RBM22: variants seen among roughly 807,000 people sequenced by gnomAD.
The protein encoded by RBM22 is pre-mRNA-splicing factor RBM22.
A neutral mutation model predicts 50.1 loss-of-function variants in RBM22; 1 was observed. The observed-to-expected ratio is 0.02, with a 90% CI of 0.01 to 0.09. The LOEUF is 0.09. Among genes scored for constraint, RBM22 ranks in the 10% least tolerant of loss-of-function variants. RBM22 has a pLI of 1.00. For synonymous variants in RBM22, 152 were observed against 179.0 expected (o/e 0.85, Z 1.20); for missense variants, 264 against 529.3 (o/e 0.50, Z 4.92).
chr5:150,697,838 G>A, intron 4 of RBM22: 1 of 239,470 alleles, frequency 4.2e-6, no homozygotes, highest in Non-Finnish European at 8.3e-6. Flanking sequence ...CTCTGAAACA[G>A]TAGCAATATA....
chr5:150,693,001 T>C lies in RBM22; in HGVS notation c.1026A>G (p.Glu342=). ...PGALPPPPAA[E]EEASANYFNL... ...TGAAGTAGTTGGCAGAGGCTTCTTC[T>C]TCTGCTGCAGGAGGAGGAGGAAGAG... The change falls in exon 10 of 11, where the codon GAA becomes GAG. Residue 342 remains glutamate, a synonymous_variant. Transcript: ENST00000199814. 6.2e-7 allele frequency: 1 copy of C among 1,612,172 alleles called. No individual in the cohort carries two copies. The highest frequency in any genetic ancestry group is 8.5e-7 in the Non-Finnish European group (1 of 1,179,230).
rs753789695 is a variant in RBM22, at chr5:150,700,669, G to A, written c.55-172C>T. 3.9e-6 allele frequency: 6 copies of A among 1,526,590 alleles called. No individual in the cohort carries two copies. The African/African-American group carries it at 5.5e-5, about 14-fold the overall frequency. 94.6% of individuals were successfully genotyped at this position (1,526,590 alleles called of 1,614,324 possible). A position where few individuals can be genotyped will look rare whatever the true frequency, so the allele number is the denominator to read the frequency against. ...GGGGGCGCTGTCTGCACTTCCGGCA[G>A]GCGGCGGGAGAAAAGAAAACCAGCT... On this transcript the variant is annotated intron_variant, in intron 1 of 10. Coordinates refer to ENST00000199814, the MANE Select transcript of RBM22 (RefSeq NM_018047.3).
At chr5:150,693,944 G>A in intron 8 of RBM22, 132 bp downstream of exon 8, 4 of 1,191,408 alleles carry the variant, frequency 3.4e-6, no homozygotes, top group Non-Finnish European at 4.7e-6. Flanking sequence ...CATAGAGAGT[G>A]ATCTTTGAAA....
At position 150,691,549 on chromosome 5, in the gene RBM22, G is replaced by T; in HGVS notation, c.*202C>A. Reference sequence around the variant, plus strand: ...AGTCATGTTACAGCAGTAACCAGATGTGTTAATGGCAGCTTATTTACGGTC... The same window carrying T: ...AGTCATGTTACAGCAGTAACCAGATTTGTTAATGGCAGCTTATTTACGGTC... On this transcript the variant is annotated 3_prime_UTR_variant, in exon 11 of 11. Transcript: ENST00000199814. 1.9e-6 allele frequency: 1 copy of T among 524,164 alleles called. No individual in the cohort carries two copies. The highest frequency in any genetic ancestry group is 3.5e-5 in the East Asian group (1 of 28,850). The allele number at this position is 524,164 out of a possible 1,614,324, so 32.5% of individuals were successfully genotyped here. A position where few individuals can be genotyped will look rare whatever the true frequency, so the allele number is the denominator to read the frequency against.
intron 2 of RBM22, among the ~76,000 whole-genome samples, chr5:150,700,017 CTTACT>C (rs1759324672): frequency 1.3e-5 from 2 of 152,184 alleles, no homozygotes; most frequent in African/African-American, 4.8e-5. Flanking sequence ...AGGGGGAATG[CTTACT>C]TTAAAGAGAT....
intron 3 of RBM22, 69 bp from the exon 4 acceptor site, chr5:150,698,700 A>G (rs1759307633): frequency 6.4e-7 from 1 of 1,555,248 alleles, no homozygotes. Context: ...ATCTGATAAC[A>G]ACGGGGCATT....
Position 150,691,524 on chromosome 5 carries a change from A to G in RBM22, c.*227T>C, listed in dbSNP as rs1258251564. The G allele has an allele frequency of 5.1e-6, 2 of 392,682 alleles. No individual in the cohort carries two copies. 24.3% of individuals were successfully genotyped at this position (392,682 alleles called of 1,614,324 possible). ...AGGGGAACAGGCGTTCGGTTTTATTAGTCATGTTACAGCAGTAACCAGATG... is the reference window on the plus strand; with the variant it reads ...AGGGGAACAGGCGTTCGGTTTTATTGGTCATGTTACAGCAGTAACCAGATG... On this transcript the variant is annotated 3_prime_UTR_variant, in exon 11 of 11. Coordinates refer to ENST00000199814, the MANE Select transcript of RBM22 (RefSeq NM_018047.3).
At position 150,696,646 on chromosome 5, in the gene RBM22, A is replaced by G; in HGVS notation, c.432T>C (p.Ser144=). Residue 144 remains serine (S), a synonymous_variant, in exon 6 of 11, where the codon AGT becomes AGC. Transcript: ENST00000199814. This position sits in a 1 kb window ranked among gnomAD's most constrained non-coding sequence, Gnocchi z 4.3. ...TCCGGGCCAGTTTGAGCAGCATGTC[A>G]CTGGTAGATGTGGCTTTCCCCAGCA... The part of the protein sequence containing the change: ...VGMLGKATST[S]DMLLKLARTT... The G allele has an allele frequency of 3.7e-6, 6 of 1,614,174 alleles. No individual in the cohort carries two copies. Among genetic ancestry groups the G allele is most frequent in the Non-Finnish European group, 5.1e-6 (6 of 1,180,024 alleles).
At chr5:150,700,675 G>C (rs1182017198) in intron 1 of RBM22, 178 bp from the exon 2 acceptor site, 2 of 1,526,270 alleles carry the variant, frequency 1.3e-6, no homozygotes, top group Non-Finnish European at 1.8e-6. Flanking sequence ...GGCAGGCGGC[G>C]GGAGAAAAGA....
At position 150,691,615 on chromosome 5, in the gene RBM22, G is replaced by T. The variant is rs1759210091; in HGVS notation, c.*136C>A. ...CAAGTATAGGAAAGCATGGCTGTCA[G>T]TCTCTGACTGCTCACATCTGAGCAC... On this transcript the variant is annotated 3_prime_UTR_variant, in exon 11 of 11. Coordinates refer to ENST00000199814, the MANE Select transcript of RBM22 (RefSeq NM_018047.3). 3 of 1,072,010 alleles carry T rather than the reference G, an allele frequency of 2.8e-6. No individual in the cohort carries two copies. The highest frequency in any genetic ancestry group is 3.8e-6 in the Non-Finnish European group (3 of 795,878). The allele number at this position is 1,072,010 out of a possible 1,614,324, so 66.4% of individuals were successfully genotyped here. A position where few individuals can be genotyped will look rare whatever the true frequency, so the allele number is the denominator to read the frequency against.
At chr5:150,695,396 A>G in intron 7 of RBM22, 110 bp downstream of exon 7, 1 of 949,438 alleles carries the variant, frequency 1.1e-6, no homozygotes, top group East Asian at 2.4e-5. Flanking sequence ...CAATAGAGAG[A>G]CTACAGAAAA....
chr5:150,692,117 A>C (rs2151455483), intron 10 of RBM22, among the ~76,000 whole-genome samples: 1 of 152,196 alleles, frequency 6.6e-6, no homozygotes, highest in East Asian at 1.9e-4. Context: ...ATGTCATCTG[A>C]GTCTCTGCTA....
At chr5:150,698,046 C>T (rs762037953) in intron 4 of RBM22, among the ~76,000 whole-genome samples, 20 of 152,056 alleles carry the variant, frequency 1.3e-4, no homozygotes, top group Non-Finnish European at 2.9e-4. Flanking sequence ...CCCTTGAGCC[C>T]AGGAGTTCGA....
At chr5:150,694,036 A>C in intron 8 of RBM22, 40 bp downstream of exon 8, 1 of 1,592,650 alleles carries the variant, frequency 6.3e-7, no homozygotes, top group East Asian at 2.2e-5. Flanking sequence ...TTTCTTAAAA[A>C]TCTAAGCAAA....
chr5:150,700,771 G>T, intron 1 of RBM22, 161 bp downstream of exon 1: 1 of 1,552,698 alleles, frequency 6.4e-7, no homozygotes, highest in Non-Finnish European at 8.7e-7. Flanking sequence ...CTTCAAGCCC[G>T]CAGGAGGATC....
rs886372153 is a variant in RBM22, at chr5:150,696,898, C to CA, written c.272-8dup. On this transcript the variant is annotated splice_region_variant and splice_polypyrimidine_tract_variant and intron_variant, in intron 4 of 10. Coordinates refer to ENST00000199814, the MANE Select transcript of RBM22 (RefSeq NM_018047.3). The surrounding 1 kb of genome is among the most constrained non-coding windows in gnomAD (Gnocchi z 4.3). ...CGAACCTGGATGGGCAGGCCTGGTA[C>CA]AAAAAAAGAGGAAAAAGACCTCAGA... 3.1e-6 allele frequency: 5 copies of CA among 1,611,536 alleles called. No individual in the cohort carries two copies. Among genetic ancestry groups the CA allele is most frequent in the Admixed American group, 3.4e-5 (2 of 59,450 alleles).
At chr5:150,700,601 G>C (rs745460244) in intron 1 of RBM22, 104 bp from the exon 2 acceptor site, 1 of 1,573,964 alleles carries the variant, frequency 6.4e-7, no homozygotes, top group Non-Finnish European at 8.6e-7. Context: ...TGGGGAACTA[G>C]GCACGGCAGG....
intron 1 of RBM22, 72 bp from the exon 2 acceptor site, chr5:150,700,569 G>A: frequency 1.9e-6 from 3 of 1,607,870 alleles, no homozygotes; most frequent in Admixed American, 3.4e-5. Flanking sequence ...ACTTGGGGTG[G>A]CGAGGGGGCG....
chr5:150,694,165 A>C lies in RBM22; in HGVS notation c.822T>G (p.Phe274Leu). Reference sequence around the variant, plus strand: ...CCACTTCTGCAGCCTGCCGTGTGGCAAACTGGATGAAAGCACACTGCTGTC... The same window carrying C: ...CCACTTCTGCAGCCTGCCGTGTGGCCAACTGGATGAAAGCACACTGCTGTC... ...VQRQQCAFIQFATRQAAEVAA... is the reference protein window; with the variant it reads ...VQRQQCAFIQLATRQAAEVAA... The change falls in exon 8 of 11, where the codon TTT becomes TTG. Residue 274 changes from phenylalanine to leucine, a missense_variant. This residue lies in a region of RBM22 where 14 missense variants were observed against 59.1 expected (regional missense o/e 0.24). Coordinates refer to ENST00000199814, the MANE Select transcript of RBM22 (RefSeq NM_018047.3). The C allele has an allele frequency of 2.5e-6, 4 of 1,614,258 alleles. No homozygotes were observed. The highest frequency in any genetic ancestry group is 3.4e-6 in the Non-Finnish European group (4 of 1,180,052).
Sources: gnomAD v4.1 joint callset for allele counts (sites outside exome capture counted in the v4.1 genomes callset) on GRCh38, gnomAD v4.1.1 for gene constraint, gnomAD v4.1.1 regional missense constraint, Gnocchi (gnomAD v3.1) non-coding constraint, MANE v1.5 for transcripts, NCBI Gene and HGNC (gene_info 2026-07-23, HGNC 2026-07-21) for gene names.